The following TFEC variants were observed in gnomAD, a reference collection of about 807,000 sequenced individuals.
TFEC encodes class E basic helix-loop-helix protein 34.
In TFEC, 31 loss-of-function variants were observed where a neutral mutation model predicts 41.6. The observed-to-expected ratio is 0.74, with a 90% CI of 0.56 to 1.01. TFEC has a LOEUF of 1.01. Ranked by LOEUF, TFEC falls within the 50% of genes least tolerant of loss-of-function variation. The pLI, the probability that TFEC is intolerant of heterozygous loss-of-function variation, is 0.00. For missense variants in TFEC, 402 were observed against 404.1 expected, an observed-to-expected ratio of 0.99 and a Z score of 0.04; for synonymous variants, 143 against 140.6, an observed-to-expected ratio of 1.02 and a Z score of -0.12.
chr7:115,980,237 A>G (rs763620964), intron 2 of TFEC, among the ~76,000 whole-genome samples: 11 of 152,130 alleles, frequency 7.2e-5, no homozygotes, highest in Non-Finnish European at 1.3e-4. Context: ...TTCCTCATGG[A>G]GGCATTCTCC....
chr7:116,045,420 G>A (rs1020783355), intron 3 of TFEC, among the ~76,000 whole-genome samples: 2 of 152,220 alleles, frequency 1.3e-5, no homozygotes, highest in Non-Finnish European at 2.9e-5. Context: ...GTGCAGCCTA[G>A]GGACTTGGTG....
chr7:116,125,463 A>G lies in TFEC; in HGVS notation c.-68-13425T>C, dbSNP rs151000411. ...TTGGCTTTAATCTATCAAACTAAGA[A>G]TCATCGAAATTTTTGAGCAGCTAAG... On this transcript the variant is annotated intron_variant, in intron 1 of 8. Coordinates refer to the TFEC transcript ENST00000484212. 1.8e-3 allele frequency among the ~76,000 whole-genome samples: 278 copies of G among 152,334 alleles called. 1 individual carries two copies. Among genetic ancestry groups the G allele is most frequent in the African/African-American group, 6.3e-3 (263 of 41,570 alleles).
At chr7:115,945,952 A>C (rs1398409052) in intron 6 of TFEC, among the ~76,000 whole-genome samples, 4 of 151,686 alleles carry the variant, frequency 2.6e-5, no homozygotes, top group Non-Finnish European at 5.9e-5. Flanking sequence ...ATGGCCTGCA[A>C]AGCTTGAAAT....
At chr7:116,154,741 C>G (rs1798832458) in intron 1 of TFEC, among the ~76,000 whole-genome samples, 1 of 152,200 alleles carries the variant, frequency 6.6e-6, no homozygotes, top group African/African-American at 2.4e-5. Context: ...CCTGCAAACT[C>G]TATCTTCTAG....
chr7:116,008,452 GT>G (rs1229946805), intron 1 of TFEC, among the ~76,000 whole-genome samples: 1 of 152,070 alleles, frequency 6.6e-6, no homozygotes, highest in Non-Finnish European at 1.5e-5. Context: ...ATTTAATTTT[GT>G]TAATTTCATA....
intron 6 of TFEC, among the ~76,000 whole-genome samples, chr7:115,946,992 C>T (rs759794035): frequency 6.6e-6 from 1 of 150,886 alleles, no homozygotes; most frequent in East Asian, 2.0e-4. Flanking sequence ...CATATGTATA[C>T]ATGTGCCATG....
chr7:116,093,837 G>C (rs961952349), intron 3 of TFEC, among the ~76,000 whole-genome samples: 1 of 152,100 alleles, frequency 6.6e-6, no homozygotes, highest in Admixed American at 6.6e-5. Flanking sequence ...GACATAACCT[G>C]ACCCACCAAA....
rs768501388 is a variant in TFEC, at chr7:115,941,989, G to A, written c.567C>T (p.Ile189=). Residue 189 remains isoleucine, a synonymous_variant, in exon 7 of 8, where the codon ATC becomes ATT. Coordinates refer to ENST00000265440, the MANE Select transcript of TFEC (RefSeq NM_012252.4). ...TCTGTTGTTCTTTTTGTAGCCACTT[G>A]ATGTACTCCACTGATGCTTTTAGAA... The part of the protein sequence containing the change: ...GTILKASVEY[I]KWLQKEQQRA... 5 of 1,612,882 alleles carry A rather than the reference G, an allele frequency of 3.1e-6. No homozygotes were observed. The highest frequency in any genetic ancestry group is 1.7e-5 in the Admixed American group (1 of 59,884).
At chr7:116,133,275 C>T (rs886653623) in intron 1 of TFEC, among the ~76,000 whole-genome samples, 2 of 152,168 alleles carry the variant, frequency 1.3e-5, no homozygotes, top group South Asian at 4.2e-4. Context: ...TCTGGCCAGG[C>T]ACGGTGGTTC....
intron 6 of TFEC, among the ~76,000 whole-genome samples, chr7:115,950,644 A>G (rs915158840): frequency 1.3e-5 from 2 of 152,122 alleles, no homozygotes; most frequent in Non-Finnish European, 2.9e-5. Context: ...CTGAGGAAAA[A>G]TAACTTATTT....
chr7:115,992,283 C>A (rs1003209350), intron 1 of TFEC, among the ~76,000 whole-genome samples: 2 of 152,088 alleles, frequency 1.3e-5, no homozygotes, highest in Non-Finnish European at 2.9e-5. Flanking sequence ...ACGCTAACAT[C>A]ACAATTAAAA....
intron 3 of TFEC, among the ~76,000 whole-genome samples, chr7:115,970,608 T>C (rs1793088947): frequency 2.0e-5 from 3 of 152,134 alleles, no homozygotes; most frequent in African/African-American, 7.2e-5. Flanking sequence ...GATCAGCATA[T>C]ATTCATGATC....
rs112504908 is a variant in TFEC at position 116,131,084 on chromosome 7, G to A, written c.-68-19046C>T. 1.7e-3 allele frequency among the ~76,000 whole-genome samples: 252 copies of A among 152,184 alleles called. 1 individual carries two copies. Among genetic ancestry groups the A allele is most frequent in the African/African-American group, 5.7e-3 (238 of 41,518 alleles). The stretch of plus-strand genomic sequence containing the variant: ...TATTAATACTAATTATATTTGGTAC[G>A]TTTAAGACCCAAGATCTGATTTATG... On this transcript the variant is annotated intron_variant, in intron 1 of 8. Coordinates refer to the TFEC transcript ENST00000484212.
chr7:115,944,036 T>TTTTTTTTTTTTTTTTTTTTTTTTTTTTTA (rs1456187910), intron 6 of TFEC, among the ~76,000 whole-genome samples: 1 of 132,608 alleles, frequency 7.5e-6, no homozygotes, highest in African/African-American at 2.7e-5. Context: ...TTTTTTTTTT[T>TTTTTTTTTTTTTTTTTTTTTTTTTTTTTA]TTTTGCTTCA....
At chr7:115,949,449 A>G (rs1004075724) in intron 6 of TFEC, among the ~76,000 whole-genome samples, 1 of 152,150 alleles carries the variant, frequency 6.6e-6, no homozygotes, top group Non-Finnish European at 1.5e-5. Context: ...ACTTCAAACT[A>G]TACTACAAGG....
intron 1 of TFEC, among the ~76,000 whole-genome samples, chr7:116,155,135 G>A (rs531021629): frequency 1.5e-4 from 23 of 152,278 alleles, no homozygotes; most frequent in African/African-American, 5.3e-4. Flanking sequence ...GACCTAGTAC[G>A]ATTTCTGTTT....
intron 2 of TFEC, chr7:116,111,942 T>G: frequency 1.1e-6 from 1 of 910,124 alleles, no homozygotes; most frequent in Non-Finnish European, 1.3e-6. Flanking sequence ...AATAAACTTG[T>G]GGTCTTGCTG....
At chr7:116,091,138 T>G (rs1276330381) in intron 3 of TFEC, among the ~76,000 whole-genome samples, 2 of 152,136 alleles carry the variant, frequency 1.3e-5, no homozygotes, top group Admixed American at 6.5e-5. Context: ...AAAATTATGC[T>G]AGAGATCTGA....
chr7:115,964,785 G>C (rs1792758043), intron 3 of TFEC, among the ~76,000 whole-genome samples: 1 of 151,444 alleles, frequency 6.6e-6, no homozygotes, highest in African/African-American at 2.4e-5. Context: ...AAGGTAATAA[G>C]GTAAGAGAAG....
Sources: gnomAD v4.1 joint callset for allele counts (sites outside exome capture counted in the v4.1 genomes callset) on GRCh38, gnomAD v4.1.1 for gene constraint, MANE v1.5 for transcripts, NCBI Gene and HGNC (gene_info 2026-07-23, HGNC 2026-07-21) for gene names.